Variants in ABCB11 observed in about 807,000 individuals in gnomAD.
ABCB11 encodes the protein bile salt export pump.
ABCB11 carries 95 observed loss-of-function variants against 148.0 expected under a neutral mutation model. That is an observed-to-expected ratio of 0.64 (90% CI 0.54 to 0.76). ABCB11 has a LOEUF of 0.76. Ranked by LOEUF, ABCB11 falls within the 30% of genes least tolerant of loss-of-function variation. The pLI, the probability that ABCB11 is intolerant of heterozygous loss-of-function variation, is 0.00. For missense variants in ABCB11, 1,523 were observed against 1,617.8 expected (o/e 0.94, Z 1.01); for synonymous variants, 591 against 555.4 (o/e 1.06, Z -0.90).
downstream of ABCB11, among the ~76,000 whole-genome samples, chr2:168,917,828 G>A (rs193016834): frequency 0.016 from 2,362 of 152,270 alleles, 66 homozygotes; most frequent in African/African-American, 0.052. Flanking sequence ...GTCCAACATA[G>A]TAGCCACTAG....
At chr2:168,935,627 C>T (rs1280314372) in intron 22 of ABCB11, among the ~76,000 whole-genome samples, 1 of 152,196 alleles carries the variant, frequency 6.6e-6, no homozygotes, top group Non-Finnish European at 1.5e-5. Context: ...TCAAGTTTCC[C>T]TTAATTCTTA....
At chr2:168,944,567 G>A in intron 21 of ABCB11, 38 bp downstream of exon 21, 1 of 1,539,004 alleles carries the variant, frequency 6.5e-7, no homozygotes, top group South Asian at 1.3e-5. Context: ...GAATGCCAAT[G>A]CAGTTAATAT....
At chr2:168,973,097 G>A (rs1421268663) in intron 13 of ABCB11, among the ~76,000 whole-genome samples, 1 of 151,948 alleles carries the variant, frequency 6.6e-6, no homozygotes, top group Admixed American at 6.6e-5. Flanking sequence ...TATATTTAGT[G>A]TCTGGAGAAC....
intron 5 of ABCB11, among the ~76,000 whole-genome samples, chr2:168,998,178 G>T (rs951238448): frequency 6.6e-6 from 1 of 152,010 alleles, no homozygotes; most frequent in Non-Finnish European, 1.5e-5. Flanking sequence ...GCTTTCTAAG[G>T]TATACATGAG....
At chr2:168,934,767 A>G (rs938024514) in intron 23 of ABCB11, among the ~76,000 whole-genome samples, 1 of 152,206 alleles carries the variant, frequency 6.6e-6, no homozygotes, top group African/African-American at 2.4e-5. Flanking sequence ...CCTCTCATCA[A>G]AAAGTGGATT....
intron 5 of ABCB11, among the ~76,000 whole-genome samples, chr2:169,007,557 C>T (rs1167721740): frequency 6.6e-6 from 1 of 152,198 alleles, no homozygotes; most frequent in Non-Finnish European, 1.5e-5. Context: ...GAAGCTGGCA[C>T]TTCACATGGC....
rs1238978180 is a variant in ABCB11 at position 168,923,048 on chromosome 2, C to A, written c.*574G>T. 1 of 155,364 alleles carries A rather than the reference C, an allele frequency of 6.4e-6. No homozygotes were observed. 9.6% of individuals were successfully genotyped at this position (155,364 alleles called of 1,614,324 possible). A position where few individuals can be genotyped will look rare whatever the true frequency, so the allele number is the denominator to read the frequency against. ...TCTGCCTCCCTCAGCCTGAGAGCATCCACCCTTTCCCTATCCTTAGCCTTA... is the reference window on the plus strand; with the variant it reads ...TCTGCCTCCCTCAGCCTGAGAGCATACACCCTTTCCCTATCCTTAGCCTTA... On this transcript the variant is annotated 3_prime_UTR_variant, in exon 28 of 28. Transcript: ENST00000650372.
chr2:168,994,938 CTG>C (rs1694665886), intron 7 of ABCB11, among the ~76,000 whole-genome samples: 1 of 152,008 alleles, frequency 6.6e-6, no homozygotes, highest in Admixed American at 6.6e-5. Context: ...TGTAGAGTGA[CTG>C]TCTTTCAGGG....
intron 19 of ABCB11, among the ~76,000 whole-genome samples, chr2:168,948,934 G>A (rs1457174922): frequency 6.6e-6 from 1 of 151,548 alleles, no homozygotes; most frequent in African/African-American, 2.4e-5. Flanking sequence ...TCATTTTTAC[G>A]GTCAGGAGAG....
intron 21 of ABCB11, among the ~76,000 whole-genome samples, chr2:168,938,414 C>G (rs948779916): frequency 5.3e-5 from 8 of 152,058 alleles, no homozygotes; most frequent in Non-Finnish European, 1.2e-4. Context: ...TGAAATAAGC[C>G]AGACATAAAA....
chr2:168,976,513 G>T, intron 12 of ABCB11, 64 bp downstream of exon 12: 1 of 959,652 alleles, frequency 1.0e-6, no homozygotes, highest in Non-Finnish European at 1.5e-6. Context: ...GCAATTTGTG[G>T]TTATGCAAAT....
chr2:168,986,504 T>C (rs973232336), intron 9 of ABCB11, among the ~76,000 whole-genome samples: 4 of 152,140 alleles, frequency 2.6e-5, no homozygotes, highest in African/African-American at 9.6e-5. Context: ...TTAACAGAGC[T>C]GCCTGATTGC....
chr2:169,016,302 T>C (rs1233112497), intron 3 of ABCB11, among the ~76,000 whole-genome samples: 1 of 152,214 alleles, frequency 6.6e-6, no homozygotes, highest in Non-Finnish European at 1.5e-5. Context: ...ACTTACCTGA[T>C]GCCTCACTTC....
Position 168,969,517 on chromosome 2 carries a change from T to A in ABCB11, c.1844A>T (p.His615Leu), listed in dbSNP as rs764682080. ...QHGHTIISVA[H>L]RLSTVRAADT... ...TGCAGCTCTGACCGTAGACAAGCGA[T>A]GAGCAACTGAAATGATTGTGTGCCC... Residue 615 changes from histidine (H) to leucine (L), a missense_variant, in exon 16 of 28, where the codon CAT becomes CTT. By Grantham distance (99) the His-to-Leu change is moderately conservative. Coordinates refer to ENST00000650372, the MANE Select transcript of ABCB11 (RefSeq NM_003742.4). The A allele has an allele frequency of 6.2e-7, 1 of 1,612,490 alleles. No homozygotes were observed. Among genetic ancestry groups the A allele is most frequent in the Non-Finnish European group, 8.5e-7 (1 of 1,179,130 alleles).
Position 168,995,495 on chromosome 2 carries a change from A to T in ABCB11, c.478-13T>A, listed in dbSNP as rs1694684397. The stretch of plus-strand genomic sequence containing the variant: ...CCCAAAAGCATATCTGGAAATGGAC[A>T]AAGGAATGTTTAGCATTGCAATGTT... On this transcript the variant is annotated splice_polypyrimidine_tract_variant and intron_variant, in intron 6 of 27. Transcript: ENST00000650372. 32 of 1,607,714 alleles carry T rather than the reference A, an allele frequency of 2.0e-5. No homozygotes were observed. Among genetic ancestry groups the T allele is most frequent in the Admixed American group, 3.4e-5 (2 of 58,990 alleles).
chr2:169,021,321 A>G (rs1312294726), intron 1 of ABCB11, among the ~76,000 whole-genome samples: 1 of 152,152 alleles, frequency 6.6e-6, no homozygotes, highest in East Asian at 1.9e-4. Flanking sequence ...AAATGGTCCA[A>G]AATTAAAGGG....
At chr2:168,964,102 CT>C in intron 18 of ABCB11, 103 bp downstream of exon 18, 1 of 768,562 alleles carries the variant, frequency 1.3e-6, no homozygotes, top group East Asian at 2.7e-5. Flanking sequence ...TGAAACACTG[CT>C]AGATATATAC....
intron 5 of ABCB11, among the ~76,000 whole-genome samples, chr2:169,010,121 TAC>T (rs1229454177): frequency 6.6e-6 from 1 of 152,168 alleles, no homozygotes; most frequent in African/African-American, 2.4e-5. Context: ...CCTTCCAAAT[TAC>T]ACCAGGGTTG....
In ABCB11 at chr2:168,932,475, G is replaced by C. The variant is rs1176617176; in HGVS notation, c.3115C>G (p.Pro1039Ala). The change falls in exon 24 of 28, where the codon CCA (proline) becomes GCA (alanine). Residue 1039 changes from proline (P) to alanine (A), a missense_variant. Pro to Ala is a conservative substitution (Grantham distance 27, BLOSUM62 -1). Coordinates refer to ENST00000650372, the MANE Select transcript of ABCB11 (RefSeq NM_003742.4). ...GATATTTTAGCTTTTGCATAACTTG[G>C]GGTGTAAGAGAAGGCTCTTCCAAGA... ...TALGRAFSYT[P>A]SYAKAKISAA... 3 of 1,613,506 alleles carry C rather than the reference G, an allele frequency of 1.9e-6. No homozygotes were observed. The highest frequency in any genetic ancestry group is 1.7e-6 in the Non-Finnish European group (2 of 1,179,714).
Sources: allele counts gnomAD v4.1 joint callset (sites outside exome capture counted in the v4.1 genomes callset), GRCh38; gene constraint gnomAD v4.1.1; transcripts MANE v1.5; gene names NCBI Gene and HGNC (gene_info 2026-07-23, HGNC 2026-07-21).